The following SULT4A1 variants were observed in gnomAD, a reference collection of about 807,000 sequenced individuals.
SULT4A1 encodes the protein sulfotransferase family 4A member 1, also known as sulfotransferase 4A1.
In SULT4A1, 11 loss-of-function variants were observed where a neutral mutation model predicts 35.2. The observed-to-expected ratio is 0.31, with a 90% CI of 0.20 to 0.52. The LOEUF (loss-of-function observed/expected upper bound fraction) is 0.52. SULT4A1 is among the 20% of genes least tolerant of loss of function. The pLI is 0.97. For synonymous variants in SULT4A1, 152 were observed against 151.8 expected (o/e 1.00, Z -0.01); for missense variants, 271 against 383.7 (o/e 0.71, Z 2.45).
intron 1 of SULT4A1, among the ~76,000 whole-genome samples, chr22:43,842,975 A>ATCTCTCTCTCTCTCTCTCTCTC (rs695712): frequency 4.0e-4 from 58 of 144,582 alleles, no homozygotes; most frequent in African/African-American, 1.3e-3. Context: ...AGTAAACAGC[A>ATCTCTCTCTCTCTCTCTCTCTC]TCTCTCTCTC....
intron 1 of SULT4A1, among the ~76,000 whole-genome samples, chr22:43,861,554 G>A (rs1008482911): frequency 3.3e-5 from 5 of 152,194 alleles, no homozygotes; most frequent in African/African-American, 1.2e-4. Context: ...TGTAAAGTGG[G>A]AATGACCACC....
At position 43,833,997 on chromosome 22, in the gene SULT4A1, G is replaced by T. The variant is rs539691143; in HGVS notation, c.509-263C>A. ...GGTGGTCCCTGTGGTACCTGGCAGTGGACCGCAACAGTGCCCGTTACTTTA... is the reference window on the plus strand; with the variant it reads ...GGTGGTCCCTGTGGTACCTGGCAGTTGACCGCAACAGTGCCCGTTACTTTA... On this transcript the variant is annotated intron_variant, in intron 4 of 6. Transcript: ENST00000330884. 8.5e-5 allele frequency among the ~76,000 whole-genome samples: 13 copies of T among 152,308 alleles called. No individual in the cohort carries two copies. The East Asian group carries it at 2.5e-3, about 29-fold the overall frequency.
intron 5 of SULT4A1, among the ~76,000 whole-genome samples, chr22:43,829,800 A>T (rs970591433): frequency 1.1e-4 from 16 of 151,734 alleles, no homozygotes; most frequent in African/African-American, 3.9e-4. Context: ...CCAAGAGATG[A>T]GGCTCCTCGT....
rs1321295651 is a variant in SULT4A1 at position 43,857,357 on chromosome 22, T to A, written c.169+4857A>T. 1.1e-4 allele frequency among the ~76,000 whole-genome samples: 12 copies of A among 110,244 alleles called. No homozygotes were observed. In the East Asian group the frequency reaches 3.2e-3, roughly 29 times the overall value. 72.3% of individuals were successfully genotyped at this position (110,244 alleles called of 152,430 possible). Reference sequence around the variant, plus strand: ...TTCTAGGCCAGTCTGAGCAGCACAGTGAGATCCTGTCTCAAAAAAAAAAAA... The same window carrying A: ...TTCTAGGCCAGTCTGAGCAGCACAGAGAGATCCTGTCTCAAAAAAAAAAAA... On this transcript the variant is annotated intron_variant, in intron 1 of 6. Transcript: ENST00000330884.
intron 1 of SULT4A1, among the ~76,000 whole-genome samples, chr22:43,844,006 T>G (rs1235516392): frequency 6.6e-6 from 1 of 152,036 alleles, no homozygotes; most frequent in Non-Finnish European, 1.5e-5. Context: ...TGTCTCCAGG[T>G]GGGCAGTGCT....
chr22:43,858,842 A>G (rs1259947543), intron 1 of SULT4A1, among the ~76,000 whole-genome samples: 1 of 152,096 alleles, frequency 6.6e-6, no homozygotes, highest in African/African-American at 2.4e-5. Flanking sequence ...AAATAATCAC[A>G]AGAGCACAGG....
chr22:43,836,116 C>T (rs1171786825), intron 4 of SULT4A1, among the ~76,000 whole-genome samples: 1 of 152,256 alleles, frequency 6.6e-6, no homozygotes, highest in Non-Finnish European at 1.5e-5. Context: ...TGCCACACTG[C>T]GGGTGCCACA....
At chr22:43,835,901 G>T (rs760255097) in intron 4 of SULT4A1, among the ~76,000 whole-genome samples, 1 of 152,198 alleles carries the variant, frequency 6.6e-6, no homozygotes, top group Non-Finnish European at 1.5e-5. Context: ...CAGGAGGGGG[G>T]ACGGGAATGA....
Position 43,839,949 on chromosome 22 carries a change from G to A in SULT4A1, c.377C>T (p.Ser126Phe). ...GCAGAGGAGGTGCCAGCTTACCTTG[G>A]AGTCTCCATTGTGGAGGTCAGAGGG... is the stretch of plus-strand genomic sequence containing the variant. ...FLPSDLHNGD[S>F]KVIYMARNPK... is the part of the protein sequence containing the mutation. The change falls in exon 3 of 7, where the codon TCC (serine) becomes TTC (phenylalanine). Residue 126 changes from serine (S) to phenylalanine (F), a missense_variant. By Grantham distance (155) the Ser-to-Phe change is radical. Coordinates refer to ENST00000330884, the MANE Select transcript of SULT4A1 (RefSeq NM_014351.4). 2 of 1,606,948 alleles carry A rather than the reference G, an allele frequency of 1.2e-6. No individual in the cohort carries two copies. Among genetic ancestry groups the A allele is most frequent in the South Asian group, 1.1e-5 (1 of 89,252 alleles).
chr22:43,842,678 C>G (rs1419084025), intron 1 of SULT4A1, among the ~76,000 whole-genome samples: 5 of 152,260 alleles, frequency 3.3e-5, no homozygotes, highest in Admixed American at 3.3e-4. Flanking sequence ...AGGGTACAAT[C>G]CTGTATGTCC....
At chr22:43,858,365 T>C (rs1029934536) in intron 1 of SULT4A1, among the ~76,000 whole-genome samples, 4 of 151,878 alleles carry the variant, frequency 2.6e-5, no homozygotes, top group Middle Eastern at 3.4e-3. Context: ...CCCAGCCCGG[T>C]TGAGTGATGG....
At chr22:43,845,250 C>G (rs1017025735) in intron 1 of SULT4A1, among the ~76,000 whole-genome samples, 1 of 152,174 alleles carries the variant, frequency 6.6e-6, no homozygotes, top group African/African-American at 2.4e-5. Flanking sequence ...GGTCCCCTGC[C>G]CCCAGGCCAA....
chr22:43,826,440 C>T (rs1431146758), intron 6 of SULT4A1: 1 of 985,190 alleles, frequency 1.0e-6, no homozygotes, highest in African/African-American at 1.7e-5. Context: ...TGCTGGGTCC[C>T]CAGCACCTAG....
intron 1 of SULT4A1, among the ~76,000 whole-genome samples, chr22:43,846,043 C>T (rs943803106): frequency 3.9e-5 from 6 of 152,222 alleles, no homozygotes; most frequent in Non-Finnish European, 8.8e-5. Context: ...GACTCCACCA[C>T]TGTCCACTGC....
chr22:43,828,739 G>T, intron 6 of SULT4A1: 1 of 309,392 alleles, frequency 3.2e-6, no homozygotes, highest in Non-Finnish European at 5.9e-6. Context: ...TCTGTGGGGC[G>T]TTTGATTTCA....
chr22:43,860,871 C>T (rs2049459430), intron 1 of SULT4A1, among the ~76,000 whole-genome samples: 1 of 152,166 alleles, frequency 6.6e-6, no homozygotes, highest in Admixed American at 6.5e-5. Flanking sequence ...AGGGGAGAGG[C>T]TGGCCGTGGA....
rs2063342410 is a variant in SULT4A1 at position 43,833,744 on chromosome 22, C to A, written c.509-10G>T. On this transcript the variant is annotated splice_polypyrimidine_tract_variant and intron_variant, in intron 4 of 6. Transcript: ENST00000330884. ...CAGGAGCCGTAGCCCACTGCGGAGA[C>A]AGGGGACAGGGTGAGCCACACGGCT... is the stretch of plus-strand genomic sequence containing the variant. 7.0e-6 allele frequency: 11 copies of A among 1,560,416 alleles called. No homozygotes were observed. The highest frequency in any genetic ancestry group is 9.6e-6 in the Non-Finnish European group (11 of 1,151,730).
rs566941606 is a variant in SULT4A1, at chr22:43,850,840, C to G, written c.170-8908G>C. On this transcript the variant is annotated intron_variant, in intron 1 of 6. Transcript: ENST00000330884. ...TGGAGATCGCTTTCCGTCATCCTGTCTTCTCACTGCCGATGGTGCCGCTGA... is the reference window on the plus strand; with the variant it reads ...TGGAGATCGCTTTCCGTCATCCTGTGTTCTCACTGCCGATGGTGCCGCTGA... Among the ~76,000 whole-genome samples the G allele has an allele frequency of 2.6e-5, 4 of 152,156 alleles. No individual in the cohort carries two copies. The South Asian group carries it at 8.3e-4, about 32-fold the overall frequency.
At chr22:43,826,850 C>T (rs370820641) in intron 6 of SULT4A1, 8 of 985,416 alleles carry the variant, frequency 8.1e-6, no homozygotes, top group African/African-American at 7.0e-5. Flanking sequence ...GGGCACAGCC[C>T]CCAGCTGCTC....
Sources: gnomAD v4.1 joint callset for allele counts (sites outside exome capture counted in the v4.1 genomes callset) on GRCh38, gnomAD v4.1.1 for gene constraint, MANE v1.5 for transcripts, NCBI Gene and HGNC (gene_info 2026-07-23, HGNC 2026-07-21) for gene names.